Variants in GPHN observed in about 807,000 individuals in gnomAD.
GPHN encodes gephyrin.
A neutral mutation model predicts 95.5 loss-of-function variants in GPHN; 17 were observed. The observed-to-expected ratio is 0.18, with a 90% CI of 0.12 to 0.27. The LOEUF (loss-of-function observed/expected upper bound fraction) is 0.27. GPHN is among the 10% of genes least tolerant of loss of function. The probability of loss-of-function intolerance (pLI) is 1.00; values close to 1 mark genes in which losing one functional copy is unlikely to be tolerated. For synonymous variants in GPHN, 320 were observed against 322.5 expected, an observed-to-expected ratio of 0.99 and a Z score of 0.08; for missense variants, 660 against 978.1, an observed-to-expected ratio of 0.67 and a Z score of 4.34.
At chr14:67,392,590 C>T in the GPHN span, 1 of 1,414,590 alleles carries the variant, frequency 7.1e-7, no homozygotes, top group African/African-American at 1.4e-5. Flanking sequence ...ACTGTGGCCC[C>T]CAGGCCCCCA....
the GPHN span, chr14:67,617,000 G>A: frequency 6.6e-6 from 1 of 151,982 alleles, no homozygotes; most frequent in Admixed American, 6.6e-5. Context: ...TCAGCCTCCT[G>A]AGTAGCTGGG....
the GPHN span, among the ~76,000 whole-genome samples, chr14:67,440,018 T>A: frequency 1.3e-5 from 2 of 152,112 alleles, no homozygotes; most frequent in Non-Finnish European, 2.9e-5. Context: ...GTATTTTTGG[T>A]AGAGACAGGG....
chr14:67,505,778 C>T, the GPHN span, among the ~76,000 whole-genome samples: 2 of 151,814 alleles, frequency 1.3e-5, no homozygotes, highest in Non-Finnish European at 2.9e-5. Flanking sequence ...GCGATCTCAG[C>T]TCACTGCAAC....
the GPHN span, chr14:67,316,973 C>T: frequency 8.3e-7 from 1 of 1,205,844 alleles, no homozygotes; most frequent in Non-Finnish European, 1.2e-6. Flanking sequence ...TGTGAATCTG[C>T]ATATTAGAAC....
the GPHN span, among the ~76,000 whole-genome samples, chr14:67,321,800 T>A: frequency 0.15 from 23,543 of 152,136 alleles, 3,442 homozygotes; most frequent in East Asian, 0.42. Flanking sequence ...AGAGATGTTC[T>A]GCTTGTATAT....
At chr14:66,696,630 A>G (rs1408633429) in intron 2 of GPHN, among the ~76,000 whole-genome samples, 2 of 152,240 alleles carry the variant, frequency 1.3e-5, no homozygotes, top group Admixed American at 1.3e-4. Flanking sequence ...CAAACACTAC[A>G]GAAAAACTGT....
the GPHN span, among the ~76,000 whole-genome samples, chr14:67,281,582 G>A: frequency 3.9e-5 from 6 of 151,986 alleles, no homozygotes; most frequent in African/African-American, 1.2e-4. Flanking sequence ...GTGCAAACCT[G>A]GATTGATTCT....
At chr14:67,213,698 T>C in the GPHN span, among the ~76,000 whole-genome samples, 4,589 of 152,210 alleles carry the variant, frequency 0.03, 84 homozygotes, top group Non-Finnish European at 0.036. Flanking sequence ...GATGGCTGGG[T>C]CAAATGGTAT....
chr14:67,289,669 A>G, the GPHN span, among the ~76,000 whole-genome samples: 1 of 152,104 alleles, frequency 6.6e-6, no homozygotes, highest in African/African-American at 2.4e-5. Context: ...TGCTGTTCAA[A>G]TTGTGGGATA....
At chr14:67,534,622 C>A in the GPHN span, among the ~76,000 whole-genome samples, 1 of 152,118 alleles carries the variant, frequency 6.6e-6, no homozygotes. Context: ...TACCACCTTC[C>A]CATAGACTGC....
At chr14:67,395,917 G>T in the GPHN span, among the ~76,000 whole-genome samples, 2 of 152,104 alleles carry the variant, frequency 1.3e-5, no homozygotes, top group Admixed American at 6.5e-5. Flanking sequence ...AAATGCCCAG[G>T]CTTTAAAATC....
chr14:66,828,157 CATATG>C (rs1273102953), intron 4 of GPHN, among the ~76,000 whole-genome samples: 1 of 151,672 alleles, frequency 6.6e-6, no homozygotes, highest in Non-Finnish European at 1.5e-5. Flanking sequence ...TATATAAATA[CATATG>C]ATATGAATAT....
intron 1 of GPHN, among the ~76,000 whole-genome samples, chr14:66,639,121 A>AATATATATATATATATATATATATAT (rs4058479): frequency 1.0e-3 from 151 of 146,004 alleles, no homozygotes; most frequent in African/African-American, 9.4e-4. Context: ...ACTGAAGGTA[A>AATATATATATATATATATATATATAT]ATATATATAT....
At chr14:66,912,465 A>G (rs890147475) in intron 5 of GPHN, among the ~76,000 whole-genome samples, 4 of 152,152 alleles carry the variant, frequency 2.6e-5, no homozygotes, top group Non-Finnish European at 5.9e-5. Flanking sequence ...TTTATATTTT[A>G]TATACATAAA....
At chr14:67,581,039 G>A in the GPHN span, 1 of 1,599,360 alleles carries the variant, frequency 6.3e-7, no homozygotes, top group Non-Finnish European at 8.6e-7. Flanking sequence ...ACAAGAACAG[G>A]TCCTAAGCAC....
intron 2 of GPHN, among the ~76,000 whole-genome samples, chr14:66,718,739 A>G (rs1432620784): frequency 6.6e-6 from 1 of 152,080 alleles, no homozygotes; most frequent in Admixed American, 6.5e-5. Context: ...GTGCACTTAC[A>G]ATCCTCTAGC....
At chr14:66,687,815 A>G (rs528356797) in intron 2 of GPHN, among the ~76,000 whole-genome samples, 1 of 152,282 alleles carries the variant, frequency 6.6e-6, no homozygotes, top group African/African-American at 2.4e-5. Context: ...ATTCATAAAC[A>G]TAGGATGTGT....
intron 1 of GPHN, among the ~76,000 whole-genome samples, chr14:66,669,992 G>A (rs923465778): frequency 2.6e-5 from 4 of 152,028 alleles, no homozygotes; most frequent in African/African-American, 9.7e-5. Context: ...CTGGTTCTTT[G>A]TATGACAACT....
the GPHN span, among the ~76,000 whole-genome samples, chr14:67,731,666 A>G: frequency 6.6e-6 from 1 of 152,152 alleles, no homozygotes; most frequent in Admixed American, 6.5e-5. Flanking sequence ...ATAATGTTGT[A>G]AGGAAAAAAC....
Sources: gnomAD v4.1 joint callset for allele counts (sites outside exome capture counted in the v4.1 genomes callset) on GRCh38, gnomAD v4.1.1 for gene constraint, MANE v1.5 for transcripts, NCBI Gene and HGNC (gene_info 2026-07-23, HGNC 2026-07-21) for gene names.